Variants in KLF8 observed in about 807,000 individuals in gnomAD.
The protein encoded by KLF8 is Krueppel-like factor 8.
Under a neutral mutation model 18.2 loss-of-function variants are expected in KLF8, and 10 were observed. The ratio of observed to expected loss-of-function variants is 0.55; its 90% CI spans 0.34 to 0.93. The LOEUF is 0.93. KLF8 is among the 40% of genes least tolerant of loss of function. The probability of loss-of-function intolerance (pLI) is 0.02; values close to 1 mark genes in which losing one functional copy is unlikely to be tolerated. For missense variants in KLF8, 264 were observed against 277.9 expected (o/e 0.95, Z 0.36); for synonymous variants, 109 against 97.3 (o/e 1.12, Z -0.71).
chrX:56,155,325 A>C, the KLF8 span, among the ~76,000 whole-genome samples: 1 of 111,419 alleles, frequency 9.0e-6, no homozygotes, highest in African/African-American at 3.3e-5. Flanking sequence ...TGAAGCTGGA[A>C]ACCATCATTC....
the KLF8 span, among the ~76,000 whole-genome samples, chrX:56,187,670 C>G: frequency 9.0e-6 from 1 of 110,675 alleles, no homozygotes; most frequent in Non-Finnish European, 1.9e-5. Flanking sequence ...AAAAACTTAT[C>G]CACCATGATC....
chrX:56,148,296 C>A, the KLF8 span, among the ~76,000 whole-genome samples: 2 of 111,401 alleles, frequency 1.8e-5, no homozygotes, highest in South Asian at 7.6e-4. Context: ...ATTATTCTTC[C>A]TTTTCTTTAC....
intron 5 of KLF8, among the ~76,000 whole-genome samples, chrX:56,274,070 C>T (rs1274342288): frequency 1.8e-5 from 2 of 111,753 alleles, no homozygotes; most frequent in African/African-American, 3.2e-5. Flanking sequence ...TATGATAGCC[C>T]TACTTTGTTT....
At chrX:55,973,734 C>G in the KLF8 span, among the ~76,000 whole-genome samples, 1 of 112,218 alleles carries the variant, frequency 8.9e-6, no homozygotes, top group Non-Finnish European at 1.9e-5. Context: ...TGCTTATACA[C>G]TGTTGGTGGA....
chrX:56,182,324 G>T, the KLF8 span, among the ~76,000 whole-genome samples: 1 of 112,043 alleles, frequency 8.9e-6, no homozygotes, highest in Non-Finnish European at 1.9e-5. Flanking sequence ...GGTCATTTAA[G>T]GTCTTCTCTA....
At chrX:55,933,312 G>A in the KLF8 span, among the ~76,000 whole-genome samples, 1 of 111,777 alleles carries the variant, frequency 8.9e-6, no homozygotes, top group African/African-American at 3.2e-5. Context: ...CAACCAAGAT[G>A]TTCTAGTCTT....
chrX:56,043,858 C>T, the KLF8 span, among the ~76,000 whole-genome samples: 2 of 112,435 alleles, frequency 1.8e-5, no homozygotes, highest in African/African-American at 3.2e-5. Flanking sequence ...AGAGGTGTTG[C>T]AGTTATTTGG....
At chrX:56,052,421 T>C in the KLF8 span, among the ~76,000 whole-genome samples, 2 of 111,898 alleles carry the variant, frequency 1.8e-5, no homozygotes, top group Non-Finnish European at 3.8e-5. Flanking sequence ...TGGTCTTTGA[T>C]GATGGTGATG....
chrX:56,213,605 G>C, the KLF8 span, among the ~76,000 whole-genome samples: 1 of 110,353 alleles, frequency 9.1e-6, no homozygotes, highest in Non-Finnish European at 1.9e-5. Flanking sequence ...TAACAGGCAT[G>C]AGCCACCACA....
chrX:55,954,559 A>G, the KLF8 span, among the ~76,000 whole-genome samples: 21 of 112,070 alleles, frequency 1.9e-4, no homozygotes, highest in Admixed American at 1.9e-3. Context: ...AATGTGGAGA[A>G]ATCAGTACCT....
the KLF8 span, among the ~76,000 whole-genome samples, chrX:56,033,449 G>A: frequency 1.8e-5 from 2 of 110,692 alleles, no homozygotes; most frequent in Non-Finnish European, 3.8e-5. Flanking sequence ...TTATATGCTG[G>A]CTATTTTGAA....
the KLF8 span, among the ~76,000 whole-genome samples, chrX:56,118,955 G>A: frequency 9.0e-6 from 1 of 111,720 alleles, no homozygotes; most frequent in Non-Finnish European, 1.9e-5. Context: ...AGGGCAGGAT[G>A]TAGGAAGTCT....
chrX:55,940,666 C>A, the KLF8 span, among the ~76,000 whole-genome samples: 2 of 111,903 alleles, frequency 1.8e-5, no homozygotes, highest in East Asian at 5.6e-4. Context: ...AGCTGATAAG[C>A]AACCTCAGAA....
the KLF8 span, among the ~76,000 whole-genome samples, chrX:55,923,462 T>A: frequency 9.0e-6 from 1 of 110,931 alleles, no homozygotes; most frequent in Non-Finnish European, 1.9e-5. Context: ...GTAAGAAGCC[T>A]GCATGTCCTG....
At chrX:56,013,620 G>C in the KLF8 span, among the ~76,000 whole-genome samples, 1 of 111,104 alleles carries the variant, frequency 9.0e-6, no homozygotes, top group Non-Finnish European at 1.9e-5. Flanking sequence ...GAATCATGGG[G>C]GTGATTTCCT....
At chrX:56,259,942 C>T (rs968887578) in intron 2 of KLF8, among the ~76,000 whole-genome samples, 2 of 111,646 alleles carry the variant, frequency 1.8e-5, no homozygotes, top group Non-Finnish European at 3.8e-5. Context: ...TGTGTTCTCT[C>T]ACTGTTCTGG....
chrX:56,250,615 A>G (rs1259045851), intron 2 of KLF8, among the ~76,000 whole-genome samples: 1 of 111,904 alleles, frequency 8.9e-6, no homozygotes, highest in Non-Finnish European at 1.9e-5. Context: ...GATTAAATGC[A>G]TTGTCTTATT....
At chrX:56,036,424 A>G in the KLF8 span, among the ~76,000 whole-genome samples, 1 of 111,942 alleles carries the variant, frequency 8.9e-6, no homozygotes, top group Non-Finnish European at 1.9e-5. Flanking sequence ...AGCACCATGT[A>G]TTGAAAAGAC....
At chrX:56,052,988 C>A in the KLF8 span, among the ~76,000 whole-genome samples, 1 of 111,897 alleles carries the variant, frequency 8.9e-6, no homozygotes, top group African/African-American at 3.2e-5. Flanking sequence ...TTTTTAAGCC[C>A]GTCAGAAAAG....
Sources: allele counts gnomAD v4.1 joint callset (sites outside exome capture counted in the v4.1 genomes callset), GRCh38; gene constraint gnomAD v4.1.1; transcripts MANE v1.5; gene names NCBI Gene and HGNC (gene_info 2026-07-23, HGNC 2026-07-21).